The following ESRRG variants were observed in gnomAD, a reference collection of about 807,000 sequenced individuals.
The protein encoded by ESRRG is estrogen-related receptor gamma.
In ESRRG, 13 loss-of-function variants were observed where a neutral mutation model predicts 44.0. That is an observed-to-expected ratio of 0.30 (90% CI 0.19 to 0.47). The LOEUF (loss-of-function observed/expected upper bound fraction) is 0.47. Ranked by LOEUF, ESRRG falls within the 20% of genes least tolerant of loss-of-function variation. ESRRG has a pLI of 1.00. For synonymous variants in ESRRG, 215 were observed against 214.6 expected, an observed-to-expected ratio of 1.00 and a Z score of -0.02; for missense variants, 395 against 580.6, an observed-to-expected ratio of 0.68 and a Z score of 3.29.
At chr1:217,128,582 T>C (rs1188620780) in intron 1 of ESRRG, among the ~76,000 whole-genome samples, 2 of 152,170 alleles carry the variant, frequency 1.3e-5, no homozygotes, top group Non-Finnish European at 2.9e-5. Flanking sequence ...ATGAATTTGA[T>C]AATGATAATT....
intron 4 of ESRRG, 91 bp from the exon 5 acceptor site, chr1:216,564,471 C>A: frequency 6.2e-6 from 6 of 973,498 alleles, no homozygotes; most frequent in Middle Eastern, 2.3e-4. Context: ...GAAAAACAAT[C>A]CAAATATCCT....
At chr1:216,507,309 G>T in intron 6 of ESRRG, 126 bp from the exon 7 acceptor site, 1 of 575,698 alleles carries the variant, frequency 1.7e-6, no homozygotes, top group Non-Finnish European at 2.8e-6. Context: ...CCTATGATTT[G>T]TTCAGAGTCT....
chr1:216,953,313 C>T (rs1157849016), intron 1 of ESRRG, among the ~76,000 whole-genome samples: 2 of 152,164 alleles, frequency 1.3e-5, no homozygotes, highest in African/African-American at 4.8e-5. Flanking sequence ...TCCAACTGCA[C>T]TTACATATGC....
chr1:217,045,956 T>G (rs2151181304), intron 1 of ESRRG, among the ~76,000 whole-genome samples: 1 of 152,284 alleles, frequency 6.6e-6, no homozygotes. Context: ...TAGTATAGAT[T>G]GAGATGCCTT....
At chr1:216,904,498 T>C (rs945707466) in intron 2 of ESRRG, among the ~76,000 whole-genome samples, 5 of 152,198 alleles carry the variant, frequency 3.3e-5, no homozygotes, top group African/African-American at 1.2e-4. Context: ...AGAAACAGCT[T>C]CTTTTCTCCC....
chr1:217,012,478 T>C (rs1240721950), intron 1 of ESRRG, among the ~76,000 whole-genome samples: 1 of 152,172 alleles, frequency 6.6e-6, no homozygotes, highest in Non-Finnish European at 1.5e-5. Context: ...GCATTTGAAA[T>C]AGCTCCTAAC....
intron 1 of ESRRG, among the ~76,000 whole-genome samples, chr1:217,110,766 C>T (rs936863914): frequency 1.3e-5 from 2 of 152,142 alleles, no homozygotes; most frequent in African/African-American, 2.4e-5. Context: ...ACCTCCAGCA[C>T]TGGGTATTAC....
At chr1:216,878,671 T>A (rs1021105589) in intron 2 of ESRRG, among the ~76,000 whole-genome samples, 71 of 152,198 alleles carry the variant, frequency 4.7e-4, no homozygotes, top group African/African-American at 1.6e-3. Flanking sequence ...TCCCCGTTAA[T>A]TTTTTGGTGC....
At chr1:217,101,805 TTTTA>T (rs2092516801) in intron 1 of ESRRG, among the ~76,000 whole-genome samples, 2 of 149,970 alleles carry the variant, frequency 1.3e-5, no homozygotes, top group South Asian at 2.1e-4. Context: ...TTTTTTTTTA[TTTTA>T]TTTGTTTATT....
At chr1:216,909,028 A>G (rs1288401867) in intron 2 of ESRRG, among the ~76,000 whole-genome samples, 1 of 152,180 alleles carries the variant, frequency 6.6e-6, no homozygotes, top group African/African-American at 2.4e-5. Flanking sequence ...ATCCTCACAA[A>G]GCACACATAT....
At chr1:217,102,970 G>A (rs973136523) in intron 1 of ESRRG, among the ~76,000 whole-genome samples, 1 of 152,154 alleles carries the variant, frequency 6.6e-6, no homozygotes, top group African/African-American at 2.4e-5. Flanking sequence ...AGAAGAGAGG[G>A]CCTGCTTGGC....
chr1:216,769,278 G>A (rs1009344494), intron 2 of ESRRG, among the ~76,000 whole-genome samples: 3 of 152,130 alleles, frequency 2.0e-5, no homozygotes, highest in Non-Finnish European at 4.4e-5. Context: ...TGCAAACAGA[G>A]TGATCAGGGA....
At chr1:217,056,521 G>T (rs1209624642) in intron 1 of ESRRG, among the ~76,000 whole-genome samples, 2 of 151,794 alleles carry the variant, frequency 1.3e-5, no homozygotes, top group African/African-American at 4.8e-5. Context: ...TTGATATTGT[G>T]TTGAGGGGTC....
intron 2 of ESRRG, among the ~76,000 whole-genome samples, chr1:216,662,039 G>T (rs567328296): frequency 2.0e-5 from 3 of 152,212 alleles, no homozygotes; most frequent in East Asian, 3.9e-4. Context: ...ATACATTATG[G>T]GGTTGCTATT....
rs1341420054 is a variant in ESRRG at position 216,503,882 on chromosome 1, A to G, written c.*3057T>C. The G allele has an allele frequency of 1.3e-5, 2 of 152,564 alleles. No individual in the cohort carries two copies. Among genetic ancestry groups the G allele is most frequent in the African/African-American group, 4.8e-5 (2 of 41,450 alleles). The allele number at this position is 152,564 out of a possible 1,614,324, so 9.5% of individuals were successfully genotyped here. Reference sequence around the variant, plus strand: ...AATTAAAATCATATGGCTAAAACATACACCTTTATAACTTTCCAAAACTTC... The same window carrying G: ...AATTAAAATCATATGGCTAAAACATGCACCTTTATAACTTTCCAAAACTTC... On this transcript the variant is annotated 3_prime_UTR_variant, in exon 7 of 7. Coordinates refer to ENST00000408911, the MANE Select transcript of ESRRG (RefSeq NM_001438.4).
At chr1:216,676,610 A>G (rs1203346656) in intron 2 of ESRRG, among the ~76,000 whole-genome samples, 1 of 152,186 alleles carries the variant, frequency 6.6e-6, no homozygotes, top group Non-Finnish European at 1.5e-5. Context: ...TGAATCAGAA[A>G]TTCTGGAGGT....
chr1:217,123,102 G>A (rs1214878299), intron 1 of ESRRG, among the ~76,000 whole-genome samples: 1 of 152,054 alleles, frequency 6.6e-6, no homozygotes, highest in Non-Finnish European at 1.5e-5. Context: ...AATGTTATCC[G>A]CCTAGCAGTC....
intron 1 of ESRRG, chr1:217,077,032 T>C (rs1050415492): frequency 6.6e-6 from 1 of 152,224 alleles, no homozygotes; most frequent in Non-Finnish European, 1.5e-5. Flanking sequence ...GAACAGAAGC[T>C]GATACCAAAT....
chr1:216,716,042 AG>A (rs1248918709), intron 1 of ESRRG, among the ~76,000 whole-genome samples: 3 of 152,130 alleles, frequency 2.0e-5, no homozygotes, highest in African/African-American at 7.2e-5. Context: ...AGAAAGCGTA[AG>A]ATTTTTTTGT....
Sources: gnomAD v4.1 joint callset for allele counts (sites outside exome capture counted in the v4.1 genomes callset) on GRCh38, gnomAD v4.1.1 for gene constraint, MANE v1.5 for transcripts, NCBI Gene and HGNC (gene_info 2026-07-23, HGNC 2026-07-21) for gene names.